The following PCDHA13 variants were observed in gnomAD, a reference collection of about 807,000 sequenced individuals.
PCDHA13 encodes protocadherin alpha 13.
Under a neutral mutation model 64.8 loss-of-function variants are expected in PCDHA13, and 54 were observed. The ratio of observed to expected loss-of-function variants is 0.83; its 90% confidence interval spans 0.67 to 1.04. PCDHA13 has a LOEUF of 1.04. Ranked by LOEUF, PCDHA13 falls within the 50% of genes least tolerant of loss-of-function variation. The pLI, the probability that PCDHA13 is intolerant of heterozygous loss-of-function variation, is 0.00. For synonymous variants in PCDHA13, 587 were observed against 564.4 expected, an observed-to-expected ratio of 1.04 and a Z score of -0.57; for missense variants, 1,248 against 1,254.3, an observed-to-expected ratio of 0.99 and a Z score of 0.08.
chr5:140,960,467 C>A (rs1554224775), intron 1 of PCDHA13, among the ~76,000 whole-genome samples: 1 of 152,010 alleles, frequency 6.6e-6, no homozygotes, highest in Non-Finnish European at 1.5e-5. Context: ...GAGAAGTAAT[C>A]CTTCTTACAC....
rs377029109 is a variant in PCDHA13, at chr5:141,002,346, C to G, written c.2543-7281C>G. On this transcript the variant is annotated intron_variant, in intron 3 of 3. Coordinates refer to ENST00000289272, the MANE Select transcript of PCDHA13 (RefSeq NM_018904.3). Reference sequence around the variant, plus strand: ...CGGGCTGCATCCGCACCCCTTCCCCCACCTCCACTCCTTTCAACTCATTCT... The same window carrying G: ...CGGGCTGCATCCGCACCCCTTCCCCGACCTCCACTCCTTTCAACTCATTCT... Among the ~76,000 whole-genome samples, 17 of 152,370 alleles carry G rather than the reference C, an allele frequency of 1.1e-4. No homozygotes were observed. The East Asian group carries it at 2.7e-3, about 24-fold the overall frequency.
intron 2 of PCDHA13, among the ~76,000 whole-genome samples, chr5:140,981,054 G>T (rs1024298698): frequency 1.3e-5 from 2 of 152,182 alleles, no homozygotes; most frequent in Admixed American, 1.3e-4. Flanking sequence ...GATAATTCTA[G>T]AGTGTAGACA....
In PCDHA13 at chr5:140,927,750, G is replaced by T. The variant is rs155819; in HGVS notation, c.2394+43088G>T. The T allele has an allele frequency of 1.4e-3, 2,310 of 1,614,204 alleles. 26 individuals carry two copies. In the African/African-American group the frequency reaches 0.026, roughly 18 times the overall value. On this transcript the variant is annotated intron_variant, in intron 1 of 3. Coordinates refer to ENST00000289272, the MANE Select transcript of PCDHA13 (RefSeq NM_018904.3). ...CAGAGCTGCGACACCGCTTTCACGT[G>T]CACCCTAAAAGTGGGGAGGTGCAAG...
intron 1 of PCDHA13, chr5:140,928,916 G>A (rs1287378711): frequency 5.0e-6 from 8 of 1,613,988 alleles, no homozygotes; most frequent in East Asian, 2.2e-5. Flanking sequence ...GAACCAGGAG[G>A]GCAGCTTTCT....
intron 1 of PCDHA13, chr5:140,967,061 C>T: frequency 6.2e-7 from 1 of 1,612,886 alleles, no homozygotes; most frequent in Non-Finnish European, 8.5e-7. Context: ...GAGTGGAGCG[C>T]TCTTCGTCAA....
intron 1 of PCDHA13, chr5:140,969,257 AATC>A (rs782398697): frequency 1.2e-6 from 2 of 1,614,102 alleles, no homozygotes; most frequent in African/African-American, 2.7e-5. Context: ...TGACAGCAGG[AATC>A]TCACAGGCCA....
chr5:141,000,419 A>T (rs1394449061), intron 3 of PCDHA13, among the ~76,000 whole-genome samples: 972 of 60,664 alleles, frequency 0.016, 14 homozygotes, highest in African/African-American at 0.023. Flanking sequence ...ATATATATAT[A>T]TATTTTTTTT....
At chr5:140,913,862 T>G (rs1554196081) in intron 1 of PCDHA13, among the ~76,000 whole-genome samples, 1 of 152,218 alleles carries the variant, frequency 6.6e-6, no homozygotes, top group African/African-American at 2.4e-5. Flanking sequence ...GCATATTGTT[T>G]AATTTCCATG....
intron 3 of PCDHA13, among the ~76,000 whole-genome samples, chr5:140,999,135 C>T (rs2097848218): frequency 6.6e-6 from 1 of 152,180 alleles, no homozygotes; most frequent in Non-Finnish European, 1.5e-5. Context: ...GAAAATGTCA[C>T]AGCCGGAAGT....
At chr5:140,989,656 A>T (rs2153884121) in intron 3 of PCDHA13, among the ~76,000 whole-genome samples, 1 of 152,326 alleles carries the variant, frequency 6.6e-6, no homozygotes, top group Non-Finnish European at 1.5e-5. Context: ...GCAATATTTT[A>T]AAAGAAACTC....
chr5:140,979,081 G>A, intron 2 of PCDHA13, 74 bp downstream of exon 2: 1 of 1,564,866 alleles, frequency 6.4e-7, no homozygotes, highest in South Asian at 1.2e-5. Flanking sequence ...CATCTCCATA[G>A]GCCAGAAGCA....
intron 1 of PCDHA13, among the ~76,000 whole-genome samples, chr5:140,943,353 G>A (rs2093481887): frequency 6.6e-6 from 1 of 151,602 alleles, no homozygotes; most frequent in Non-Finnish European, 1.5e-5. Flanking sequence ...TGAGAGTAGA[G>A]GAAAGGAGAT....
chr5:140,966,426 C>T, intron 1 of PCDHA13: 1 of 421,820 alleles, frequency 2.4e-6, no homozygotes. Flanking sequence ...ACTTGCTGAG[C>T]CCTCCTACCG....
At chr5:140,902,611 A>G (rs924512539) in intron 1 of PCDHA13, among the ~76,000 whole-genome samples, 1 of 151,996 alleles carries the variant, frequency 6.6e-6, no homozygotes, top group East Asian at 1.9e-4. Flanking sequence ...TTTCAGTTAC[A>G]TGGGTAAGTT....
intron 1 of PCDHA13, among the ~76,000 whole-genome samples, chr5:140,970,714 A>C (rs1554232672): frequency 6.6e-6 from 1 of 152,220 alleles, no homozygotes; most frequent in Non-Finnish European, 1.5e-5. Flanking sequence ...CAATGTGTGA[A>C]CAATATTTGT....
chr5:140,967,608 C>T, intron 1 of PCDHA13: 1 of 1,614,160 alleles, frequency 6.2e-7, no homozygotes, highest in Non-Finnish European at 8.5e-7. Flanking sequence ...AAGCTGAATG[C>T]CTCAGACCCG....
rs57893927 is a variant in PCDHA13 at position 140,946,631 on chromosome 5, T to TATATATATATATATATATATATATATAC, written c.2395-32317_2395-32316insTATATATATATATATATATATATATACA. On this transcript the variant is annotated intron_variant, in intron 1 of 3. Transcript: ENST00000289272. ...TGTGAAATATATATATATATATATA[T>TATATATATATATATATATATATATATAC]ACAATGGAATACTCATCAGCCATTA... Among the ~76,000 whole-genome samples the TATATATATATATATATATATATATATAC allele has an allele frequency of 2.1e-3, 277 of 131,730 alleles. 14 individuals carry two copies. Among genetic ancestry groups the TATATATATATATATATATATATATATAC allele is most frequent in the African/African-American group, 7.7e-3 (221 of 28,616 alleles). The allele number at this position is 131,730 out of a possible 152,430, so 86.4% of individuals were successfully genotyped here.
intron 1 of PCDHA13, among the ~76,000 whole-genome samples, chr5:140,895,075 A>C (rs1309295177): frequency 6.6e-6 from 1 of 152,102 alleles, no homozygotes; most frequent in Admixed American, 6.5e-5. Flanking sequence ...AATTCCTATC[A>C]GTTCCTCCTC....
intron 1 of PCDHA13, among the ~76,000 whole-genome samples, chr5:140,886,827 G>GAAA (rs782016620): frequency 3.3e-5 from 2 of 60,922 alleles, no homozygotes; most frequent in Non-Finnish European, 6.7e-5. Flanking sequence ...ACTTCGTCTT[G>GAAA]AAAAAAAAAA....
Sources: gnomAD v4.1 joint callset for allele counts (sites outside exome capture counted in the v4.1 genomes callset) on GRCh38, gnomAD v4.1.1 for gene constraint, MANE v1.5 for transcripts, NCBI Gene and HGNC (gene_info 2026-07-23, HGNC 2026-07-21) for gene names.